DUSP11: variants seen among roughly 807,000 people sequenced by gnomAD.
The protein encoded by DUSP11 is dual specificity phosphatase 11.
Under a neutral mutation model 41.4 loss-of-function variants are expected in DUSP11, and 27 were observed. The observed-to-expected ratio is 0.65, with a 90% CI of 0.48 to 0.90. DUSP11 has a LOEUF of 0.90. Among genes scored for constraint, DUSP11 ranks in the 40% least tolerant of loss-of-function variants. The pLI, the probability that DUSP11 is intolerant of heterozygous loss-of-function variation, is 0.00. For synonymous variants in DUSP11, 188 were observed against 159.3 expected, an observed-to-expected ratio of 1.18 and a Z score of -1.35; for missense variants, 465 against 461.1, an observed-to-expected ratio of 1.01 and a Z score of -0.08.
chr2:73,772,564 C>G (rs1672604759), intron 4 of DUSP11, among the ~76,000 whole-genome samples: 1 of 152,208 alleles, frequency 6.6e-6, no homozygotes, highest in South Asian at 2.1e-4. Context: ...CTAGCCCTCA[C>G]AGAACAGATG....
At chr2:73,765,643 A>G (rs1260225444) in intron 8 of DUSP11, among the ~76,000 whole-genome samples, 2 of 152,132 alleles carry the variant, frequency 1.3e-5, no homozygotes, top group African/African-American at 4.8e-5. Context: ...ACTCATACTA[A>G]TGTACCACTT....
chr2:73,773,853 A>G, exon 4 of DUSP11: 1 of 1,607,046 alleles, frequency 6.2e-7, no homozygotes, highest in African/African-American at 1.3e-5. Context: ...GAATTTAAAA[A>G]TAGTCTCATC....
intron 4 of DUSP11, chr2:73,773,147 T>G (rs113282089): frequency 6.6e-6 from 1 of 152,234 alleles, no homozygotes; most frequent in Non-Finnish European, 1.5e-5. Flanking sequence ...AAGAGTAAGG[T>G]AAATCTTAAA....
chr2:73,767,273 A>G, intron 5 of DUSP11, 66 bp from the exon 6 acceptor site: 1 of 1,250,334 alleles, frequency 8.0e-7, no homozygotes. Context: ...TTTTCAAAAA[A>G]GGTCCAATTT....
intron 2 of DUSP11, 85 bp from the exon 3 acceptor site, chr2:73,775,129 C>T: frequency 1.7e-6 from 2 of 1,147,564 alleles, no homozygotes; most frequent in Non-Finnish European, 2.4e-6. Context: ...GTGATGCTAA[C>T]ATACAACGAG....
At chr2:73,772,097 G>C (rs541666000) in intron 4 of DUSP11, among the ~76,000 whole-genome samples, 2 of 152,342 alleles carry the variant, frequency 1.3e-5, no homozygotes, top group East Asian at 3.9e-4. Flanking sequence ...TGGGATTACA[G>C]GCATGAGCCA....
chr2:73,766,941 A>C, intron 6 of DUSP11, 38 bp from the exon 7 acceptor site: 1 of 1,574,608 alleles, frequency 6.4e-7, no homozygotes, highest in Non-Finnish European at 8.7e-7. Context: ...AACTGTACAA[A>C]AAGCAGATCT....
intron 8 of DUSP11, among the ~76,000 whole-genome samples, chr2:73,763,613 C>G (rs1482102281): frequency 6.6e-6 from 1 of 152,072 alleles, no homozygotes; most frequent in Non-Finnish European, 1.5e-5. Context: ...ATCCCAGCTA[C>G]TGGGGAGGCT....
chr2:73,775,279 C>A (rs1048318932), intron 2 of DUSP11, among the ~76,000 whole-genome samples: 2 of 151,972 alleles, frequency 1.3e-5, no homozygotes, highest in African/African-American at 4.8e-5. Flanking sequence ...GTCTCCTAAT[C>A]AGACTGTAAT....
chr2:73,769,305 A>G lies in DUSP11; in HGVS notation c.595T>C (p.Cys199Arg), dbSNP rs756391323. 30 of 1,613,572 alleles carry G rather than the reference A, an allele frequency of 1.9e-5. No individual in the cohort carries two copies. Among genetic ancestry groups the G allele is most frequent in the Non-Finnish European group, 2.5e-5 (29 of 1,179,598 alleles). Residue 199 changes from cysteine to arginine, a missense_variant, in exon 5 of 9, where the codon TGT (cysteine) becomes CGT (arginine). Transcript: ENST00000272444. ...CCAGTCCTGTTTAAACCATGGGTAC[A>G]GTGGACACCAATAAGTTTATCTATA... is the stretch of plus-strand genomic sequence containing the variant.
At position 73,763,237 on chromosome 2, in the gene DUSP11, G is replaced by A. The variant is rs542148849; in HGVS notation, c.936-378C>T. ...TACTTTCTCTCCCAAAGTCTGGCAG[G>A]GTTGACATAAGACAGAATAAGCTAG... On this transcript the variant is annotated intron_variant, in intron 8 of 8. Coordinates refer to ENST00000272444, the Ensembl canonical transcript of DUSP11. 4.1e-4 allele frequency among the ~76,000 whole-genome samples: 63 copies of A among 152,272 alleles called. No individual in the cohort carries two copies. The South Asian group carries it at 0.013, about 31-fold the overall frequency.
chr2:73,767,312 TAAGAA>T, intron 5 of DUSP11, 105 bp from the exon 6 acceptor site: 1 of 832,800 alleles, frequency 1.2e-6, no homozygotes, highest in Non-Finnish European at 2.0e-6. Context: ...ATAAAAATCC[TAAGAA>T]AATATCAGCA....
intron 8 of DUSP11, among the ~76,000 whole-genome samples, chr2:73,763,775 C>T (rs1356178832): frequency 6.6e-6 from 1 of 152,170 alleles, no homozygotes; most frequent in Non-Finnish European, 1.5e-5. Context: ...AAACCCCCCA[C>T]TGCAGAGCCC....
intron 8 of DUSP11, among the ~76,000 whole-genome samples, chr2:73,763,326 G>C (rs1672395710): frequency 6.6e-6 from 1 of 152,196 alleles, no homozygotes; most frequent in South Asian, 2.1e-4. Flanking sequence ...TAATTATGAA[G>C]TGTGAAAAAC....
exon 9 of DUSP11, chr2:73,762,499 A>G: frequency 2.3e-6 from 1 of 437,934 alleles, no homozygotes; most frequent in Admixed American, 4.2e-5. Context: ...AATTACTGCA[A>G]ATTTATCAGC....
chr2:73,770,549 C>T, intron 4 of DUSP11, among the ~76,000 whole-genome samples: 1 of 151,782 alleles, frequency 6.6e-6, no homozygotes, highest in Admixed American at 6.6e-5. Context: ...AGAAGGCACT[C>T]ATCATCGCCA....
intron 8 of DUSP11, 97 bp downstream of exon 8, chr2:73,766,321 A>C (rs1342133723): frequency 3.2e-6 from 4 of 1,249,560 alleles, no homozygotes; most frequent in East Asian, 2.4e-5. Context: ...AAAAAAAAAA[A>C]AACGAAGAAT....
chr2:73,764,805 T>G (rs1242689646), intron 8 of DUSP11, among the ~76,000 whole-genome samples: 1 of 152,042 alleles, frequency 6.6e-6, no homozygotes, highest in African/African-American at 2.4e-5. Context: ...CCATCTCTAC[T>G]AAAATACAAA....
intron 4 of DUSP11, among the ~76,000 whole-genome samples, chr2:73,770,372 A>G (rs1483864065): frequency 6.6e-6 from 1 of 151,766 alleles, no homozygotes; most frequent in Non-Finnish European, 1.5e-5. Context: ...AAAACTAGCC[A>G]GGTGTGGTGG....
Sources: gnomAD v4.1 joint callset for allele counts (sites outside exome capture counted in the v4.1 genomes callset) on GRCh38, gnomAD v4.1.1 for gene constraint, MANE v1.5 for transcripts, NCBI Gene and HGNC (gene_info 2026-07-23, HGNC 2026-07-21) for gene names.